IMMP2L: variants seen among roughly 807,000 people sequenced by gnomAD.
IMMP2L encodes the protein inner mitochondrial membrane peptidase subunit 2.
Under a neutral mutation model 19.3 loss-of-function variants are expected in IMMP2L, and 18 were observed. That is an observed-to-expected ratio of 0.93 (90% CI 0.64 to 1.38). IMMP2L has a LOEUF of 1.38. IMMP2L is among the 40% of genes most tolerant of loss of function. The pLI, the probability that IMMP2L is intolerant of heterozygous loss-of-function variation, is 0.00. For missense variants in IMMP2L, 233 were observed against 218.2 expected (o/e 1.07, Z -0.43); for synonymous variants, 76 against 73.0 (o/e 1.04, Z -0.21).
intron 3 of IMMP2L, among the ~76,000 whole-genome samples, chr7:111,395,749 G>C (rs1832807641): frequency 6.6e-6 from 1 of 151,984 alleles, no homozygotes; most frequent in East Asian, 2.0e-4. Flanking sequence ...AAAAACTATT[G>C]GGCATTAATT....
chr7:110,761,211 C>A (rs1372198153), intron 5 of IMMP2L, among the ~76,000 whole-genome samples: 1 of 152,048 alleles, frequency 6.6e-6, no homozygotes, highest in Non-Finnish European at 1.5e-5. Flanking sequence ...GAGCACTCCA[C>A]TAGAAAAACA....
intron 3 of IMMP2L, among the ~76,000 whole-genome samples, chr7:111,382,490 G>C (rs941350360): frequency 1.3e-5 from 2 of 151,976 alleles, no homozygotes; most frequent in Non-Finnish European, 2.9e-5. Flanking sequence ...GAAAGACCAA[G>C]TATAAACAAC....
At chr7:110,841,408 G>GAA (rs5886581) in intron 5 of IMMP2L, among the ~76,000 whole-genome samples, 2 of 151,734 alleles carry the variant, frequency 1.3e-5, no homozygotes, top group South Asian at 2.1e-4. Flanking sequence ...AATATTTAAT[G>GAA]AAAAATCTAT....
At chr7:111,333,948 T>G (rs1826135677) in intron 3 of IMMP2L, among the ~76,000 whole-genome samples, 1 of 152,060 alleles carries the variant, frequency 6.6e-6, no homozygotes, top group Admixed American at 6.6e-5. Context: ...TCTCTCCCTC[T>G]AGAAAACCCT....
intron 1 of IMMP2L, among the ~76,000 whole-genome samples, chr7:111,525,059 T>C (rs1846711672): frequency 6.6e-6 from 1 of 152,166 alleles, no homozygotes; most frequent in African/African-American, 2.4e-5. Context: ...CAGTCAACTA[T>C]GGAGTGATAA....
At chr7:110,853,811 A>C (rs1806480558) in intron 5 of IMMP2L, among the ~76,000 whole-genome samples, 1 of 151,996 alleles carries the variant, frequency 6.6e-6, no homozygotes, top group Non-Finnish European at 1.5e-5. Context: ...AATCAAAGAG[A>C]GTTTCAAGGC....
At chr7:110,917,493 G>C (rs766970945) in intron 4 of IMMP2L, among the ~76,000 whole-genome samples, 8 of 152,100 alleles carry the variant, frequency 5.3e-5, no homozygotes, top group Non-Finnish European at 7.3e-5. Flanking sequence ...TAAGGACTCT[G>C]TGAAGATGAC....
chr7:111,226,381 C>G (rs1312986603), intron 3 of IMMP2L, among the ~76,000 whole-genome samples: 1 of 152,014 alleles, frequency 6.6e-6, no homozygotes, highest in Admixed American at 6.6e-5. Flanking sequence ...GTTGCCCACG[C>G]TGGTCTTGAA....
chr7:110,734,830 T>C lies in IMMP2L; in HGVS notation c.409-71109A>G, dbSNP rs933117119. On this transcript the variant is annotated intron_variant, in intron 5 of 5. Transcript: ENST00000405709. ...TGCCTAAGACATGCCCTCAGCTGCATAGGTAAGAAAGGCTATAGAGAAGAC... is the reference window on the plus strand; with the variant it reads ...TGCCTAAGACATGCCCTCAGCTGCACAGGTAAGAAAGGCTATAGAGAAGAC... Among the ~76,000 whole-genome samples the C allele has an allele frequency of 3.3e-5, 5 of 152,178 alleles. No individual in the cohort carries two copies. The South Asian group carries it at 8.3e-4, about 25-fold the overall frequency.
At chr7:111,157,917 T>A (rs1804826245) in intron 3 of IMMP2L, among the ~76,000 whole-genome samples, 1 of 151,844 alleles carries the variant, frequency 6.6e-6, no homozygotes, top group Non-Finnish European at 1.5e-5. Context: ...AAAACCATAA[T>A]TAAACAGTGA....
At chr7:111,074,287 C>T (rs1795204895) in intron 3 of IMMP2L, among the ~76,000 whole-genome samples, 1 of 152,218 alleles carries the variant, frequency 6.6e-6, no homozygotes, top group South Asian at 2.1e-4. Context: ...ACAATGATGA[C>T]TCATCGACTG....
At chr7:111,325,525 T>C (rs1046220121) in intron 3 of IMMP2L, among the ~76,000 whole-genome samples, 1 of 151,734 alleles carries the variant, frequency 6.6e-6, no homozygotes, top group African/African-American at 2.4e-5. Flanking sequence ...GATCATCATG[T>C]GGACCTACCA....
chr7:111,445,854 C>A (rs1177795936), intron 3 of IMMP2L, among the ~76,000 whole-genome samples: 1 of 149,668 alleles, frequency 6.7e-6, no homozygotes, highest in Non-Finnish European at 1.5e-5. Flanking sequence ...GTGCGCGCAC[C>A]GTGCGTGAGC....
At chr7:111,483,566 A>T (rs1280319420) in intron 3 of IMMP2L, 1 of 152,182 alleles carries the variant, frequency 6.6e-6, no homozygotes, top group Non-Finnish European at 1.5e-5. Flanking sequence ...CTTTTTACAG[A>T]AAGAAAGAGA....
intron 3 of IMMP2L, among the ~76,000 whole-genome samples, chr7:111,151,061 T>G (rs1292129952): frequency 2.0e-5 from 3 of 152,202 alleles, no homozygotes; most frequent in African/African-American, 4.8e-5. Flanking sequence ...AGCTGGCCAG[T>G]GTGACTCCTG....
chr7:110,705,625 T>C (rs1468846351), intron 5 of IMMP2L, among the ~76,000 whole-genome samples: 8 of 152,118 alleles, frequency 5.3e-5, no homozygotes, highest in Non-Finnish European at 8.8e-5. Context: ...TAAATGCTTC[T>C]TACATGGGTG....
chr7:110,696,163 T>C (rs1793859531), intron 5 of IMMP2L, among the ~76,000 whole-genome samples: 1 of 152,176 alleles, frequency 6.6e-6, no homozygotes, highest in Non-Finnish European at 1.5e-5. Flanking sequence ...AGGGGTTCCA[T>C]AAGCAGTAAG....
chr7:111,059,923 G>GA (rs36062072), intron 3 of IMMP2L, among the ~76,000 whole-genome samples: 56 of 138,042 alleles, frequency 4.1e-4, no homozygotes, highest in South Asian at 3.3e-3. Flanking sequence ...GCCTAATTGT[G>GA]AAAAAAAAAA....
chr7:110,712,118 G>A (rs1198122726), intron 5 of IMMP2L, among the ~76,000 whole-genome samples: 3 of 102,150 alleles, frequency 2.9e-5, no homozygotes, highest in African/African-American at 5.8e-5. Context: ...TTTCTGTTCC[G>A]TTTTTTCCCC....
Sources: allele counts gnomAD v4.1 joint callset (sites outside exome capture counted in the v4.1 genomes callset), GRCh38; gene constraint gnomAD v4.1.1; transcripts MANE v1.5; gene names NCBI Gene and HGNC (gene_info 2026-07-23, HGNC 2026-07-21).